RPH3AL: variants seen among roughly 807,000 people sequenced by gnomAD.
The protein encoded by RPH3AL is rabphilin 3A like (without C2 domains).
A neutral mutation model predicts 43.1 loss-of-function variants in RPH3AL; 38 were observed. The ratio of observed to expected loss-of-function variants is 0.88; its 90% CI spans 0.68 to 1.15. The LOEUF is 1.15. Among genes scored for constraint, RPH3AL ranks in the 50% most tolerant of loss-of-function variants. The pLI, the probability that RPH3AL is intolerant of heterozygous loss-of-function variation, is 0.00. For missense variants in RPH3AL, 462 were observed against 423.2 expected (o/e 1.09, Z -0.81); for synonymous variants, 189 against 176.3 (o/e 1.07, Z -0.57).
At chr17:330,665 C>T (rs1054992218) in intron 2 of RPH3AL, among the ~76,000 whole-genome samples, 3 of 152,142 alleles carry the variant, frequency 2.0e-5, no homozygotes, top group Non-Finnish European at 4.4e-5. Flanking sequence ...CCCTTGAGCT[C>T]AGGAGTTTGA....
At chr17:281,304 C>G (rs1342136125) in intron 6 of RPH3AL, among the ~76,000 whole-genome samples, 1 of 152,092 alleles carries the variant, frequency 6.6e-6, no homozygotes, top group Admixed American at 6.5e-5. Flanking sequence ...CTTTATTTCC[C>G]CATCAGGAAA....
intron 5 of RPH3AL, among the ~76,000 whole-genome samples, chr17:304,402 A>G (rs1438419283): frequency 2.0e-5 from 3 of 152,150 alleles, no homozygotes; most frequent in Admixed American, 6.5e-5. Context: ...ACCTCTGCAC[A>G]GTCCTGTAAG....
At chr17:316,858 G>T (rs1270775056) in intron 5 of RPH3AL, among the ~76,000 whole-genome samples, 27 of 14,906 alleles carry the variant, frequency 1.8e-3, no homozygotes, top group Admixed American at 0.018. Context: ...CTCCAGTGAT[G>T]TGTAGTCCCT....
chr17:294,079 AG>A (rs1234540654), intron 5 of RPH3AL, among the ~76,000 whole-genome samples: 2 of 152,076 alleles, frequency 1.3e-5, no homozygotes, highest in Non-Finnish European at 2.9e-5. Context: ...GTTCAATCAA[AG>A]GGGAAAGCAC....
chr17:227,877 C>CAA (rs200247717), intron 7 of RPH3AL, among the ~76,000 whole-genome samples: 20 of 150,000 alleles, frequency 1.3e-4, no homozygotes, highest in Admixed American at 4.6e-4. Flanking sequence ...ATACTAAAAA[C>CAA]AAAAAAAAAA....
chr17:236,088 T>C (rs1249811128), intron 7 of RPH3AL, among the ~76,000 whole-genome samples: 1 of 151,664 alleles, frequency 6.6e-6, no homozygotes, highest in Non-Finnish European at 1.5e-5. Context: ...ATGGCTTCCC[T>C]GATCTTGGAG....
At chr17:302,868 T>C (rs1305834264) in intron 5 of RPH3AL, among the ~76,000 whole-genome samples, 1 of 152,244 alleles carries the variant, frequency 6.6e-6, no homozygotes, top group Non-Finnish European at 1.5e-5. Flanking sequence ...TGCGAACATT[T>C]GTGTGAGTGC....
intron 5 of RPH3AL, among the ~76,000 whole-genome samples, chr17:315,786 A>C (rs1328303465): frequency 1.6e-5 from 2 of 122,212 alleles, no homozygotes; most frequent in South Asian, 2.7e-4. Context: ...CCCCATCTCT[A>C]TTGACCTGTA....
At chr17:233,866 GCGGC>G (rs2041289645) in intron 7 of RPH3AL, among the ~76,000 whole-genome samples, 1 of 111,136 alleles carries the variant, frequency 9.0e-6, no homozygotes, top group Non-Finnish European at 2.0e-5. Context: ...TGAGCAGGGA[GCGGC>G]TACTTCCCCT....
At position 215,669 on chromosome 17, in the gene RPH3AL, C is replaced by T; in HGVS notation, c.861G>A (p.Leu287=). 1 of 1,274,316 alleles carries T rather than the reference C, an allele frequency of 7.8e-7. No individual in the cohort carries two copies. Among genetic ancestry groups the T allele is most frequent in the Non-Finnish European group, 1.0e-6 (1 of 1,005,020 alleles). 78.9% of individuals were successfully genotyped at this position (1,274,316 alleles called of 1,614,324 possible). A position where few individuals can be genotyped will look rare whatever the true frequency, so the allele number is the denominator to read the frequency against. The stretch of plus-strand genomic sequence containing the variant: ...GGGTACTCACCGGGGCCCTTCGGGT[C>T]AGCCCGGGGCGGGGTCCCCCTGGCG... ...ADPPGGPRPG[L]TRRAPVKDTP... Residue 287 remains leucine, a synonymous_variant, in exon 9 of 10, where the codon CTG becomes CTA. Coordinates refer to ENST00000331302, the MANE Select transcript of RPH3AL (RefSeq NM_006987.4). The surrounding 1 kb of genome is among the most constrained non-coding windows in gnomAD (Gnocchi z 4.1).
intron 7 of RPH3AL, among the ~76,000 whole-genome samples, chr17:244,734 AAATTAAAAGGCCATCTTTTAATT>A (rs760402614): frequency 2.0e-4 from 31 of 152,162 alleles, no homozygotes; most frequent in Non-Finnish European, 3.1e-4. Context: ...CTCGCCCATG[AAATTAAAAGGCCATCTTTTAATT>A]AATTAAAAGG....
intron 7 of RPH3AL, among the ~76,000 whole-genome samples, chr17:231,857 G>A (rs1019939312): frequency 8.5e-5 from 13 of 152,278 alleles, no homozygotes; most frequent in African/African-American, 1.9e-4. Context: ...CCTGACCTCC[G>A]TGGTGTGGCT....
chr17:230,725 G>A (rs961990203), intron 7 of RPH3AL, among the ~76,000 whole-genome samples: 5 of 152,208 alleles, frequency 3.3e-5, no homozygotes, highest in African/African-American at 7.2e-5. Flanking sequence ...CCCTGCCCAC[G>A]ACTTCACTGG....
chr17:339,214 TTC>T (rs1163313437), intron 1 of RPH3AL: 1 of 152,304 alleles, frequency 6.6e-6, no homozygotes, highest in African/African-American at 2.4e-5. Flanking sequence ...AGCTGTCCGG[TTC>T]TCTGCACACT....
intron 5 of RPH3AL, among the ~76,000 whole-genome samples, chr17:282,467 T>C (rs2042804888): frequency 6.6e-6 from 1 of 152,026 alleles, no homozygotes; most frequent in South Asian, 2.1e-4. Context: ...CCAGAGACAG[T>C]TTATCATGTT....
At chr17:268,917 C>G (rs1336500785) in intron 6 of RPH3AL, among the ~76,000 whole-genome samples, 1 of 152,012 alleles carries the variant, frequency 6.6e-6, no homozygotes, top group Admixed American at 6.5e-5. Context: ...CTCGCTCCGT[C>G]ACCCAGGCTG....
chr17:343,768 C>T (rs900065173), intron 1 of RPH3AL, among the ~76,000 whole-genome samples: 2 of 152,126 alleles, frequency 1.3e-5, no homozygotes, highest in African/African-American at 2.4e-5. Context: ...GCTAAACATC[C>T]CTGAGGCACA....
In RPH3AL at chr17:245,382, A is replaced by AGT. The variant is rs965682012; in HGVS notation, c.613+1727_613+1728dup. ...ATGTCAGTGTGTGTGTGTGGATGTC[A>AGT]GTGTGTGTGTGGATATCAGTGTGTG... On this transcript the variant is annotated intron_variant, in intron 7 of 9. Transcript: ENST00000331302. This position sits in a 1 kb window ranked among gnomAD's most constrained non-coding sequence, Gnocchi z 5.9. Among the ~76,000 whole-genome samples, 3 of 126,622 alleles carry AGT rather than the reference A, an allele frequency of 2.4e-5. No individual in the cohort carries two copies. Among genetic ancestry groups the AGT allele is most frequent in the Non-Finnish European group, 5.1e-5 (3 of 58,870 alleles). The allele number at this position is 126,622 out of a possible 152,430, so 83.1% of individuals were successfully genotyped here.
intron 5 of RPH3AL, among the ~76,000 whole-genome samples, chr17:305,636 A>C (rs976010675): frequency 6.6e-6 from 1 of 152,104 alleles, no homozygotes; most frequent in African/African-American, 2.4e-5. Context: ...ATGTCTCCAC[A>C]CAGACATTCA....
Sources: gnomAD v4.1 joint callset for allele counts (sites outside exome capture counted in the v4.1 genomes callset) on GRCh38, gnomAD v4.1.1 for gene constraint, Gnocchi (gnomAD v3.1) non-coding constraint, MANE v1.5 for transcripts, NCBI Gene and HGNC (gene_info 2026-07-23, HGNC 2026-07-21) for gene names.